Variants in MYH11 observed in about 807,000 individuals in gnomAD.
MYH11 encodes the protein myosin-11.
MYH11 carries 80 observed loss-of-function variants against 246.6 expected under a neutral mutation model. The ratio of observed to expected loss-of-function variants is 0.32; its 90% CI spans 0.27 to 0.39. The LOEUF (loss-of-function observed/expected upper bound fraction) is 0.39, where lower values mean the gene tolerates loss of function less well. Ranked by LOEUF, MYH11 falls within the 10% of genes least tolerant of loss-of-function variation. The pLI is 1.00. For synonymous variants in MYH11, 1,071 were observed against 1,015.5 expected, an observed-to-expected ratio of 1.05 and a Z score of -1.04; for missense variants, 2,158 against 2,546.8, an observed-to-expected ratio of 0.85 and a Z score of 3.29.
At chr16:15,814,398 C>A (rs1432323271) in intron 3 of MYH11, among the ~76,000 whole-genome samples, 13 of 151,216 alleles carry the variant, frequency 8.6e-5, no homozygotes, top group Non-Finnish European at 1.8e-4. Flanking sequence ...ATTTAAAATA[C>A]AAAAATTAGC....
intron 4 of MYH11, among the ~76,000 whole-genome samples, chr16:15,797,552 T>A (rs1555453484): frequency 2.8e-4 from 41 of 146,766 alleles, no homozygotes; most frequent in African/African-American, 8.1e-4. Flanking sequence ...TATATATATA[T>A]AAATATAAAT....
Position 15,759,560 on chromosome 16 carries a change from T to TCCCAC in MYH11, c.1401+11_1401+15dup, listed in dbSNP as rs920060295. ...ACAACCAAGACCATGGCTCTTAGGATCCCACCGAGCTGTACCTCAAAGATC... is the reference window on the plus strand; with the variant it reads ...ACAACCAAGACCATGGCTCTTAGGATCCCACCCCACCGAGCTGTACCTCAAAGATC... On this transcript the variant is annotated intron_variant, in intron 12 of 40. Transcript: ENST00000300036. 1.9e-6 allele frequency: 3 copies of TCCCAC among 1,614,108 alleles called. No individual in the cohort carries two copies. In the Admixed American group the frequency reaches 5.0e-5, roughly 27 times the overall value.
intron 5 of MYH11, chr16:15,785,008 A>ATTTTTT (rs398028825): frequency 0.017 from 1,650 of 97,770 alleles, 131 homozygotes; most frequent in African/African-American, 0.044. Flanking sequence ...AATTCTCTTG[A>ATTTTTT]TTTTTTTTTT....
At chr16:15,771,182 T>G (rs1278157858) in intron 9 of MYH11, among the ~76,000 whole-genome samples, 1 of 151,932 alleles carries the variant, frequency 6.6e-6, no homozygotes, top group Non-Finnish European at 1.5e-5. Flanking sequence ...GTATTTTTAG[T>G]AGAGACAGGG....
chr16:15,717,008 G>A, intron 38 of MYH11, 132 bp downstream of exon 38: 1 of 986,940 alleles, frequency 1.0e-6, no homozygotes, highest in Non-Finnish European at 1.6e-6. Context: ...CAACATACCT[G>A]CACTGTAGGC....
intron 3 of MYH11, among the ~76,000 whole-genome samples, chr16:15,799,209 C>T (rs908473308): frequency 1.3e-5 from 2 of 152,182 alleles, no homozygotes; most frequent in African/African-American, 4.8e-5. Context: ...TCCCCCATCA[C>T]CCCTACCGTC....
intron 14 of MYH11, 116 bp from the exon 15 acceptor site, chr16:15,753,624 G>A (rs993294339): frequency 1.3e-6 from 1 of 797,462 alleles, no homozygotes; most frequent in Admixed American, 2.0e-5. Flanking sequence ...GAGAGGAAAT[G>A]ACGTTTATGA....
chr16:15,814,860 C>T (rs1467538957), intron 3 of MYH11, among the ~76,000 whole-genome samples: 1 of 152,138 alleles, frequency 6.6e-6, no homozygotes, highest in Non-Finnish European at 1.5e-5. Flanking sequence ...GAGGGTTAAA[C>T]AGAGGGTCTC....
chr16:15,784,726 T>G, intron 5 of MYH11: 3 of 1,613,794 alleles, frequency 1.9e-6, no homozygotes, highest in East Asian at 2.2e-5. Flanking sequence ...TTGCTGTGGT[T>G]GAACAACACA....
chr16:15,718,861 C>T, intron 36 of MYH11: 1 of 410,924 alleles, frequency 2.4e-6, no homozygotes, highest in Non-Finnish European at 4.6e-6. Flanking sequence ...GGCACGGTGG[C>T]TCACACCTGT....
At position 15,763,792 on chromosome 16, in the gene MYH11, G is replaced by A. The variant is rs748467983; in HGVS notation, c.1129+4C>T. On this transcript the variant is annotated splice_donor_region_variant and intron_variant, in intron 10 of 40. Transcript: ENST00000300036. The stretch of plus-strand genomic sequence containing the variant: ...ATTGGTCATCAGGAAAAAGTGGCAA[G>A]TACCTGTGTTATCTGGCATGGACGC... 1 of 1,219,930 alleles carries A rather than the reference G, an allele frequency of 8.2e-7. No homozygotes were observed. The highest frequency in any genetic ancestry group is 2.2e-5 in the Admixed American group (1 of 45,478). The allele number at this position is 1,219,930 out of a possible 1,614,324, so 75.6% of individuals were successfully genotyped here.
chr16:15,771,543 C>T (rs1395112265), intron 9 of MYH11, 26 bp downstream of exon 9: 18 of 1,612,718 alleles, frequency 1.1e-5, no homozygotes, highest in Non-Finnish European at 1.5e-5. Context: ...GCAAGCTACC[C>T]TCCAGACTCA....
intron 13 of MYH11, 86 bp from the exon 14 acceptor site, chr16:15,756,600 T>C: frequency 7.2e-7 from 1 of 1,393,162 alleles, no homozygotes; most frequent in Non-Finnish European, 1.0e-6. Context: ...ACACAACGCA[T>C]GGGCATCCGC....
At position 15,855,864 on chromosome 16, in the gene MYH11, C is replaced by T. The variant is rs145292588; in HGVS notation, c.-18+1077G>A. On this transcript the variant is annotated intron_variant, in intron 1 of 40. Transcript: ENST00000300036. Reference sequence around the variant, plus strand: ...TGCATTCTTTTTGCCAAACCCCGGACGGACAGTTCACCATTTAATCTCTCA... The same window carrying T: ...TGCATTCTTTTTGCCAAACCCCGGATGGACAGTTCACCATTTAATCTCTCA... Among the ~76,000 whole-genome samples, 1,083 of 152,300 alleles carry T rather than the reference C, an allele frequency of 7.1e-3. 11 individuals carry two copies. The highest frequency in any genetic ancestry group is 0.024 in the African/African-American group (988 of 41,564).
intron 38 of MYH11, among the ~76,000 whole-genome samples, chr16:15,716,617 G>A (rs117434909): frequency 0.02 from 2,975 of 152,262 alleles, 53 homozygotes; most frequent in South Asian, 0.068. Flanking sequence ...CACGTGTCAC[G>A]TTGGAGTGAT....
At chr16:15,789,432 G>C (rs1284344908) in intron 4 of MYH11, among the ~76,000 whole-genome samples, 1 of 152,200 alleles carries the variant, frequency 6.6e-6, no homozygotes, top group Admixed American at 6.5e-5. Flanking sequence ...CTGAGGCAAA[G>C]AGAGGTTTGA....
chr16:15,741,763 C>A lies in MYH11; in HGVS notation c.2649G>T (p.Ser883=). 3.1e-6 allele frequency: 5 copies of A among 1,614,160 alleles called. No individual in the cohort carries two copies. Among genetic ancestry groups the A allele is most frequent in the Non-Finnish European group, 4.2e-6 (5 of 1,180,034 alleles). The change falls in exon 21 of 41, where the codon TCG becomes TCT. Residue 883 remains serine (S), a synonymous_variant. Transcript: ENST00000300036. The part of the protein sequence containing the change: ...NELKELEQKH[S]QLTEEKNLLQ... Reference sequence around the variant, plus strand: ...AGCCATGCATCCATACAGGTACCTGCGAGTGCTTCTGTTCCAGCTCCTTAA... The same window carrying A: ...AGCCATGCATCCATACAGGTACCTGAGAGTGCTTCTGTTCCAGCTCCTTAA...
At chr16:15,756,557 C>T (rs755666300) in intron 13 of MYH11, 43 bp from the exon 14 acceptor site, 1 of 1,608,568 alleles carries the variant, frequency 6.2e-7, no homozygotes, top group African/African-American at 1.3e-5. Context: ...GAACACCCAA[C>T]CTCAGGCATT....
intron 3 of MYH11, 126 bp from the exon 4 acceptor site, chr16:15,798,813 C>T: frequency 1.9e-6 from 2 of 1,041,470 alleles, no homozygotes; most frequent in Admixed American, 2.1e-5. Flanking sequence ...TTGGAAGTGA[C>T]AACAGGTCAG....
Sources: allele counts gnomAD v4.1 joint callset (sites outside exome capture counted in the v4.1 genomes callset), GRCh38; gene constraint gnomAD v4.1.1; transcripts MANE v1.5; gene names NCBI Gene and HGNC (gene_info 2026-07-23, HGNC 2026-07-21).